Variants in SEPTIN9 observed in about 807,000 individuals in gnomAD.
The protein encoded by SEPTIN9 is septin-9.
Under a neutral mutation model 56.6 loss-of-function variants are expected in SEPTIN9, and 13 were observed. The ratio of observed to expected loss-of-function variants is 0.23; its 90% CI spans 0.15 to 0.37. The LOEUF (loss-of-function observed/expected upper bound fraction) is 0.37, where lower values mean the gene tolerates loss of function less well. Among genes scored for constraint, SEPTIN9 ranks in the 10% least tolerant of loss-of-function variants. The probability of loss-of-function intolerance (pLI) is 1.00; values close to 1 mark genes in which losing one functional copy is unlikely to be tolerated. For missense variants in SEPTIN9, 650 were observed against 823.1 expected (o/e 0.79, Z 2.57); for synonymous variants, 332 against 334.1 (o/e 0.99, Z 0.07).
At chr17:77,387,820 C>G (rs2035389077) in intron 2 of SEPTIN9, among the ~76,000 whole-genome samples, 5 of 152,140 alleles carry the variant, frequency 3.3e-5, no homozygotes, top group Admixed American at 1.3e-4. Context: ...CTTCTGTGGA[C>G]AGATTCCAGA....
chr17:77,477,237 A>G (rs1208623994), intron 3 of SEPTIN9, among the ~76,000 whole-genome samples: 2 of 151,926 alleles, frequency 1.3e-5, no homozygotes, highest in South Asian at 4.2e-4. Context: ...ACAACCTTCT[A>G]TAAGCATCAC....
At chr17:77,455,048 C>T (rs545930663) in intron 3 of SEPTIN9, among the ~76,000 whole-genome samples, 3 of 145,578 alleles carry the variant, frequency 2.1e-5, no homozygotes, top group Admixed American at 2.0e-4. Context: ...GGCTCTCTTT[C>T]TTTTTTTTTT....
chr17:77,467,049 C>G (rs976450295), intron 3 of SEPTIN9, among the ~76,000 whole-genome samples: 1 of 152,212 alleles, frequency 6.6e-6, no homozygotes, highest in East Asian at 1.9e-4. Context: ...GTTACTAAAT[C>G]CGCTCTGCCG....
rs752024628 is a variant in SEPTIN9, at chr17:77,499,399, G to A, written c.*741G>A. 5 of 544,684 alleles carry A rather than the reference G, an allele frequency of 9.2e-6. No individual in the cohort carries two copies. Among genetic ancestry groups the A allele is most frequent in the South Asian group, 1.5e-5 (1 of 65,940 alleles). 33.7% of individuals were successfully genotyped at this position (544,684 alleles called of 1,614,324 possible). ...CTCTCACGCCACCCCCGCCCCCACCGGGCTGCAGGTGCTGCTGATGCGCTG... is the reference window on the plus strand; with the variant it reads ...CTCTCACGCCACCCCCGCCCCCACCAGGCTGCAGGTGCTGCTGATGCGCTG... On this transcript the variant is annotated 3_prime_UTR_variant, in exon 12 of 12. Transcript: ENST00000427177.
intron 1 of SEPTIN9, among the ~76,000 whole-genome samples, chr17:77,303,547 A>G (rs2032145830): frequency 6.6e-6 from 1 of 151,844 alleles, no homozygotes; most frequent in African/African-American, 2.4e-5. Context: ...CCCTGTCTCT[A>G]CCGAATATAC....
At chr17:77,364,415 C>T (rs1276130809) in intron 2 of SEPTIN9, among the ~76,000 whole-genome samples, 3 of 152,248 alleles carry the variant, frequency 2.0e-5, no homozygotes, top group Non-Finnish European at 2.9e-5. Flanking sequence ...CAGTCTGGAA[C>T]GGAGTGGAAG....
At chr17:77,314,852 A>G (rs1177751339) in intron 2 of SEPTIN9, among the ~76,000 whole-genome samples, 1 of 152,264 alleles carries the variant, frequency 6.6e-6, no homozygotes, top group East Asian at 1.9e-4. Flanking sequence ...AATGCCTGGT[A>G]TGTGTCCCCT....
intron 2 of SEPTIN9, among the ~76,000 whole-genome samples, chr17:77,388,496 C>T (rs766706469): frequency 3.3e-5 from 5 of 152,242 alleles, no homozygotes; most frequent in East Asian, 1.9e-4. Flanking sequence ...TGTAGGTTCA[C>T]GTGGGGGCTC....
chr17:77,412,503 G>A (rs896534611), intron 3 of SEPTIN9, among the ~76,000 whole-genome samples: 2 of 152,186 alleles, frequency 1.3e-5, no homozygotes, highest in Non-Finnish European at 2.9e-5. Context: ...TTGGGAGGCT[G>A]AAGTGGGCGG....
At chr17:77,345,283 A>G (rs572740812) in intron 2 of SEPTIN9, among the ~76,000 whole-genome samples, 1 of 152,314 alleles carries the variant, frequency 6.6e-6, no homozygotes, top group Non-Finnish European at 1.5e-5. Context: ...ACCAAACTGC[A>G]CACCTGAAAA....
chr17:77,454,447 G>T (rs1039092445), intron 3 of SEPTIN9: 10 of 863,726 alleles, frequency 1.2e-5, no homozygotes, highest in Admixed American at 6.2e-5. Flanking sequence ...TGCCCAGTCC[G>T]CTGTACGTGT....
At chr17:77,454,447 G>A (rs1039092445) in intron 3 of SEPTIN9, 16 of 863,602 alleles carry the variant, frequency 1.9e-5, no homozygotes, top group African/African-American at 3.6e-5. Flanking sequence ...TGCCCAGTCC[G>A]CTGTACGTGT....
At chr17:77,489,920 C>A (rs2039952911) in intron 7 of SEPTIN9, among the ~76,000 whole-genome samples, 1 of 152,236 alleles carries the variant, frequency 6.6e-6, no homozygotes, top group Admixed American at 6.5e-5. Context: ...CAAGCTTTGC[C>A]TCAGCTGAGG....
At chr17:77,289,432 G>A (rs2031434458) in intron 1 of SEPTIN9, among the ~76,000 whole-genome samples, 2 of 130,568 alleles carry the variant, frequency 1.5e-5, no homozygotes, top group Non-Finnish European at 1.6e-5. Flanking sequence ...TTTTGAGATG[G>A]AGTTTCGCTC....
chr17:77,454,881 C>T (rs370356005), intron 3 of SEPTIN9, among the ~76,000 whole-genome samples: 9 of 152,226 alleles, frequency 5.9e-5, no homozygotes, highest in East Asian at 5.8e-4. Flanking sequence ...TAATGATCTG[C>T]CTGCAGGAGT....
chr17:77,455,697 C>T (rs116619467), intron 3 of SEPTIN9, among the ~76,000 whole-genome samples: 1,896 of 152,324 alleles, frequency 0.012, 44 homozygotes, highest in African/African-American at 0.043. Flanking sequence ...GTCACTAGAA[C>T]GGACATGAGG....
intron 3 of SEPTIN9, among the ~76,000 whole-genome samples, chr17:77,424,516 C>T (rs2036825772): frequency 1.3e-5 from 2 of 152,188 alleles, no homozygotes; most frequent in Non-Finnish European, 2.9e-5. Flanking sequence ...CCTGCTTGGG[C>T]CCAATACCTT....
In SEPTIN9 at chr17:77,475,994, C is replaced by A. The variant is rs973379901; in HGVS notation, c.722-6150C>A. The A allele has an allele frequency of 2.7e-5, 38 of 1,384,152 alleles. No homozygotes were observed. Among genetic ancestry groups the A allele is most frequent in the Non-Finnish European group, 3.7e-5 (37 of 1,003,170 alleles). 85.7% of individuals were successfully genotyped at this position (1,384,152 alleles called of 1,614,324 possible). ...GACAGGGGAATGGCATTGACTTGAC[C>A]CTGAGCACTTTGTCCTGGGGTGCAG... On this transcript the variant is annotated intron_variant, in intron 3 of 11. Coordinates refer to ENST00000427177, the MANE Select transcript of SEPTIN9 (RefSeq NM_001113491.2). This position sits in a 1 kb window ranked among gnomAD's most constrained non-coding sequence, Gnocchi z 4.6.
chr17:77,498,839 C>T lies in SEPTIN9; in HGVS notation c.*181C>T, dbSNP rs1325678582. 6.3e-6 allele frequency: 4 copies of T among 630,460 alleles called. No homozygotes were observed. Among genetic ancestry groups the T allele is most frequent in the South Asian group, 1.5e-5 (1 of 65,586 alleles). 39.1% of individuals were successfully genotyped at this position (630,460 alleles called of 1,614,324 possible). On this transcript the variant is annotated 3_prime_UTR_variant, in exon 12 of 12. Coordinates refer to ENST00000427177, the MANE Select transcript of SEPTIN9 (RefSeq NM_001113491.2). ...CCTCCGAGTGAGTCAGTGATGAGGC[C>T]GCGGCCTCCCCGAGGTTGTGGGGAG...
Sources: gnomAD v4.1 joint callset for allele counts (sites outside exome capture counted in the v4.1 genomes callset) on GRCh38, gnomAD v4.1.1 for gene constraint, Gnocchi (gnomAD v3.1) non-coding constraint, MANE v1.5 for transcripts, NCBI Gene and HGNC (gene_info 2026-07-23, HGNC 2026-07-21) for gene names.